Variants in CSMD1 observed in about 807,000 individuals in gnomAD.
CSMD1 encodes CUB and sushi domain-containing protein 1.
A neutral mutation model predicts 417.5 loss-of-function variants in CSMD1; 213 were observed. That is an observed-to-expected ratio of 0.51 (90% CI 0.46 to 0.57). The LOEUF is 0.57. CSMD1 is among the 20% of genes least tolerant of loss of function. CSMD1 has a pLI of 0.00. For missense variants in CSMD1, 6,923 were observed against 4,529.7 expected, an observed-to-expected ratio of 1.53 and a Z score of -15.17; for synonymous variants, 2,862 against 1,736.8, an observed-to-expected ratio of 1.65 and a Z score of -16.11.
In CSMD1 at chr8:3,283,450, T is replaced by TC. The variant is rs1237880343; in HGVS notation, c.4153+693_4153+694insG. ...CTTTAAAGTCGTACGTTTTTTTTTT[T>TC]ATGTAACTAAGTAGGTCCATTGCTG... On this transcript the variant is annotated intron_variant, in intron 26 of 69. Coordinates refer to ENST00000635120, the MANE Select transcript of CSMD1 (RefSeq NM_033225.6). 1.5e-3 allele frequency among the ~76,000 whole-genome samples: 226 copies of TC among 151,670 alleles called. 1 individual carries two copies. Among genetic ancestry groups the TC allele is most frequent in the South Asian group, 6.0e-3 (29 of 4,804 alleles).
At chr8:4,284,100 G>A (rs932646187) in intron 3 of CSMD1, among the ~76,000 whole-genome samples, 11 of 152,132 alleles carry the variant, frequency 7.2e-5, no homozygotes, top group South Asian at 4.1e-4. Context: ...AGGCATGGTG[G>A]CTCACACCTG....
chr8:3,852,934 C>G (rs543600958), intron 5 of CSMD1, among the ~76,000 whole-genome samples: 3 of 152,182 alleles, frequency 2.0e-5, no homozygotes, highest in African/African-American at 7.2e-5. Flanking sequence ...ACCTTCCTCA[C>G]TAAATATTGC....
chr8:3,434,263 T>C (rs1008460023), intron 12 of CSMD1, among the ~76,000 whole-genome samples: 9 of 152,210 alleles, frequency 5.9e-5, no homozygotes, highest in African/African-American at 2.2e-4. Flanking sequence ...TTTTTAAAAC[T>C]GTGTTTCATT....
At chr8:4,010,729 T>A (rs750338841) in intron 4 of CSMD1, among the ~76,000 whole-genome samples, 3 of 152,176 alleles carry the variant, frequency 2.0e-5, no homozygotes, top group Non-Finnish European at 4.4e-5. Context: ...TGTCCTCATC[T>A]CTTGTCTTAC....
At chr8:3,272,531 A>G (rs1801943647) in intron 26 of CSMD1, among the ~76,000 whole-genome samples, 2 of 139,434 alleles carry the variant, frequency 1.4e-5, no homozygotes, top group South Asian at 4.8e-4. Flanking sequence ...CAGTATGGCC[A>G]TTTTCACGAT....
chr8:3,799,385 A>G (rs1585017489), intron 5 of CSMD1, among the ~76,000 whole-genome samples: 1 of 125,174 alleles, frequency 8.0e-6, no homozygotes, highest in East Asian at 2.9e-4. Context: ...TCCTAATGCT[A>G]TCCCTCCCCC....
intron 2 of CSMD1, among the ~76,000 whole-genome samples, chr8:4,435,319 G>C (rs1266349209): frequency 6.6e-6 from 1 of 152,088 alleles, no homozygotes; most frequent in Non-Finnish European, 1.5e-5. Flanking sequence ...TGTGACACAG[G>C]TAAAATGCAG....
At chr8:4,060,354 A>C (rs1282342580) in intron 3 of CSMD1, among the ~76,000 whole-genome samples, 4 of 152,170 alleles carry the variant, frequency 2.6e-5, no homozygotes, top group Admixed American at 2.0e-4. Flanking sequence ...ATGGGCCAAA[A>C]CTGGAAGCAT....
At chr8:3,919,993 T>A (rs73174432) in intron 5 of CSMD1, among the ~76,000 whole-genome samples, 19 of 130,150 alleles carry the variant, frequency 1.5e-4, no homozygotes, top group Non-Finnish European at 3.4e-4. Context: ...ATATACCAAA[T>A]TTTTTTTTAC....
chr8:3,758,688 G>C (rs1584953635), intron 5 of CSMD1, among the ~76,000 whole-genome samples: 1 of 152,298 alleles, frequency 6.6e-6, no homozygotes, highest in Middle Eastern at 3.4e-3. Context: ...GAATTCAACT[G>C]AATGGCTTTG....
intron 3 of CSMD1, among the ~76,000 whole-genome samples, chr8:4,400,451 G>A (rs961528169): frequency 6.6e-6 from 1 of 152,212 alleles, no homozygotes; most frequent in Admixed American, 6.5e-5. Flanking sequence ...CAGACATCGA[G>A]ATTCATTCAT....
At chr8:4,821,295 G>A (rs79929518) in intron 1 of CSMD1, among the ~76,000 whole-genome samples, 3,468 of 152,250 alleles carry the variant, frequency 0.023, 55 homozygotes, top group Non-Finnish European at 0.031. Flanking sequence ...GGGAACATGT[G>A]CCAGTATAAT....
At chr8:3,853,178 C>A (rs569870902) in intron 5 of CSMD1, among the ~76,000 whole-genome samples, 1 of 152,290 alleles carries the variant, frequency 6.6e-6, no homozygotes, top group East Asian at 1.9e-4. Flanking sequence ...CTCTGAGATG[C>A]TGCTTCCCTT....
intron 3 of CSMD1, among the ~76,000 whole-genome samples, chr8:4,219,055 G>A (rs1008491755): frequency 6.6e-6 from 1 of 152,136 alleles, no homozygotes; most frequent in Admixed American, 6.5e-5. Flanking sequence ...TCATACGTTA[G>A]AGGTACACCG....
intron 7 of CSMD1, among the ~76,000 whole-genome samples, chr8:3,628,995 A>T (rs1305490983): frequency 6.6e-6 from 1 of 152,196 alleles, no homozygotes; most frequent in Non-Finnish European, 1.5e-5. Context: ...GAGAAAAGGG[A>T]AAGAAAAAGA....
intron 7 of CSMD1, among the ~76,000 whole-genome samples, chr8:3,664,954 T>A (rs372920431): frequency 6.6e-6 from 1 of 152,154 alleles, no homozygotes; most frequent in African/African-American, 2.4e-5. Context: ...AAGATTTCAA[T>A]ACATTCTTTA....
intron 3 of CSMD1, among the ~76,000 whole-genome samples, chr8:4,153,886 A>G (rs116692654): frequency 1.3e-5 from 2 of 152,194 alleles, no homozygotes; most frequent in Non-Finnish European, 2.9e-5. Flanking sequence ...GCAGCAAACT[A>G]ACATCTCAGA....
At chr8:3,383,259 G>A (rs1009030528) in intron 18 of CSMD1, among the ~76,000 whole-genome samples, 7 of 152,210 alleles carry the variant, frequency 4.6e-5, no homozygotes, top group African/African-American at 1.7e-4. Flanking sequence ...CATTAAACAT[G>A]CAGTTTACTG....
chr8:4,214,958 A>C (rs1487828996), intron 3 of CSMD1, among the ~76,000 whole-genome samples: 1 of 152,178 alleles, frequency 6.6e-6, no homozygotes, highest in Non-Finnish European at 1.5e-5. Flanking sequence ...AGCTCACTTC[A>C]CGTGAGATAC....
Sources: gnomAD v4.1 joint callset for allele counts (sites outside exome capture counted in the v4.1 genomes callset) on GRCh38, gnomAD v4.1.1 for gene constraint, MANE v1.5 for transcripts, NCBI Gene and HGNC (gene_info 2026-07-23, HGNC 2026-07-21) for gene names.